The following CHRNA7 variants were observed in gnomAD, a reference collection of about 807,000 sequenced individuals.
CHRNA7 encodes the protein neuronal acetylcholine receptor subunit alpha-7.
CHRNA7 carries 17 observed loss-of-function variants against 48.0 expected under a neutral mutation model. That is an observed-to-expected ratio of 0.35 (90% CI 0.24 to 0.53). The LOEUF is 0.53. CHRNA7 is among the 20% of genes least tolerant of loss of function. The pLI is 0.92. For synonymous variants in CHRNA7, 75 were observed against 242.3 expected (o/e 0.31, Z 6.41); for missense variants, 155 against 577.7 (o/e 0.27, Z 7.50).
chr15:32,067,343 A>G (rs2049982981), intron 2 of CHRNA7, among the ~76,000 whole-genome samples: 1 of 152,252 alleles, frequency 6.6e-6, no homozygotes, highest in African/African-American at 2.4e-5. Context: ...AACAGAAACC[A>G]TGGAAGATAG....
At chr15:32,098,827 G>A (rs185954748) in intron 2 of CHRNA7, 1 of 147,760 alleles carries the variant, frequency 6.8e-6, no homozygotes, top group African/African-American at 2.5e-5. Context: ...TGTTATAAGT[G>A]TATCATTATT....
intron 4 of CHRNA7, among the ~76,000 whole-genome samples, chr15:32,115,326 C>T (rs1437007419): frequency 6.6e-6 from 1 of 152,184 alleles, no homozygotes. Flanking sequence ...GGAAGGCACG[C>T]TCCGCCATGT....
At chr15:32,060,783 G>T (rs1419481082) in intron 2 of CHRNA7, among the ~76,000 whole-genome samples, 3 of 152,212 alleles carry the variant, frequency 2.0e-5, no homozygotes, top group Non-Finnish European at 4.4e-5. Context: ...ATTAACAGTG[G>T]TTACAGAACT....
intron 4 of CHRNA7, among the ~76,000 whole-genome samples, chr15:32,123,381 TAGAGATA>T (rs11278214): frequency 0.55 from 83,578 of 151,550 alleles, 24,551 homozygotes; most frequent in Non-Finnish European, 0.66. Flanking sequence ...TCCAGACCAC[TAGAGATA>T]AAATAAGGGA....
chr15:32,072,980 C>A (rs1016836436), intron 2 of CHRNA7, among the ~76,000 whole-genome samples: 2 of 152,132 alleles, frequency 1.3e-5, no homozygotes, highest in African/African-American at 4.8e-5. Flanking sequence ...CATGGAGTCC[C>A]CACCAGGTCA....
intron 4 of CHRNA7, among the ~76,000 whole-genome samples, chr15:32,128,781 T>C (rs1379270746): frequency 3.9e-5 from 6 of 151,928 alleles, no homozygotes; most frequent in African/African-American, 1.4e-4. Context: ...GGCTAGGATT[T>C]CTAGTATTAT....
At chr15:32,142,801 TTC>T (rs2051409027) in intron 4 of CHRNA7, among the ~76,000 whole-genome samples, 1 of 152,180 alleles carries the variant, frequency 6.6e-6, no homozygotes, top group African/African-American at 2.4e-5. Flanking sequence ...TATTTGATTT[TTC>T]TCTGTTTTCT....
intron 2 of CHRNA7, among the ~76,000 whole-genome samples, chr15:32,069,295 A>C (rs768994743): frequency 3.3e-5 from 5 of 152,242 alleles, no homozygotes; most frequent in Non-Finnish European, 7.3e-5. Flanking sequence ...AAGAAAGATC[A>C]AAGGATATTT....
In CHRNA7 at chr15:32,082,068, T is replaced by G. The variant is rs189397764; in HGVS notation, c.196-19235T>G. 2.0e-5 allele frequency among the ~76,000 whole-genome samples: 3 copies of G among 152,292 alleles called. No homozygotes were observed. In the East Asian group the frequency reaches 5.8e-4, roughly 29 times the overall value. ...TCTGTGGTTTCCAATGAATAATACT[T>G]TGTCATTTGAATTGTTTTTGCAGTA... On this transcript the variant is annotated intron_variant, in intron 2 of 9. Coordinates refer to ENST00000306901, the MANE Select transcript of CHRNA7 (RefSeq NM_000746.6).
intron 2 of CHRNA7, among the ~76,000 whole-genome samples, chr15:32,061,452 A>G (rs1036148744): frequency 2.0e-5 from 3 of 152,322 alleles, no homozygotes; most frequent in Admixed American, 1.3e-4. Flanking sequence ...ACTTATTTAT[A>G]TGTGGCTATT....
intron 3 of CHRNA7, chr15:32,102,571 G>A (rs1036372097): frequency 7.7e-6 from 1 of 130,140 alleles, no homozygotes; most frequent in African/African-American, 2.6e-5. Flanking sequence ...TATTGTTATT[G>A]GTATTATAAT....
intron 2 of CHRNA7, among the ~76,000 whole-genome samples, chr15:32,075,025 TTGA>T (rs2050116172): frequency 6.6e-6 from 1 of 152,198 alleles, no homozygotes; most frequent in Middle Eastern, 3.2e-3. Context: ...TTTATATTGA[TTGA>T]TTTTCAAATA....
intron 4 of CHRNA7, among the ~76,000 whole-genome samples, chr15:32,130,670 A>G (rs1030428281): frequency 6.6e-6 from 1 of 151,542 alleles, no homozygotes; most frequent in Admixed American, 6.6e-5. Flanking sequence ...GTCTCTTTGT[A>G]CACCTATTTC....
chr15:32,124,116 A>G (rs1196743148), intron 4 of CHRNA7, among the ~76,000 whole-genome samples: 1 of 152,222 alleles, frequency 6.6e-6, no homozygotes, highest in African/African-American at 2.4e-5. Flanking sequence ...GGGTTTCAAA[A>G]AATCAAAATC....
chr15:32,042,770 CTGT>C (rs1464869626), intron 2 of CHRNA7, among the ~76,000 whole-genome samples: 10 of 152,162 alleles, frequency 6.6e-5, no homozygotes, highest in Non-Finnish European at 1.3e-4. Flanking sequence ...CCAAGAAGAG[CTGT>C]TGTTTTTCTA....
chr15:32,111,987 G>T (rs2050769664), intron 4 of CHRNA7, 88 bp downstream of exon 4: 1 of 881,470 alleles, frequency 1.1e-6, no homozygotes, highest in Non-Finnish European at 1.9e-6. Flanking sequence ...CAGAGATGCT[G>T]GATATGTTAT....
intron 9 of CHRNA7, chr15:32,166,104 T>C (rs1253116296): frequency 2.0e-5 from 3 of 152,368 alleles, no homozygotes; most frequent in African/African-American, 7.2e-5. Flanking sequence ...ACAGACCCTT[T>C]GACAGATGAG....
intron 2 of CHRNA7, among the ~76,000 whole-genome samples, chr15:32,074,195 T>C (rs2050100818): frequency 6.6e-6 from 1 of 151,540 alleles, no homozygotes; most frequent in African/African-American, 2.4e-5. Flanking sequence ...AACTCACTTA[T>C]TCTGTTTTTG....
intron 4 of CHRNA7, among the ~76,000 whole-genome samples, chr15:32,125,631 G>A (rs1039208170): frequency 2.6e-5 from 4 of 152,184 alleles, no homozygotes; most frequent in South Asian, 2.1e-4. Context: ...TCCATGTGCA[G>A]GATCTAGATC....
Sources: allele counts gnomAD v4.1 joint callset (sites outside exome capture counted in the v4.1 genomes callset), GRCh38; gene constraint gnomAD v4.1.1; transcripts MANE v1.5; gene names NCBI Gene and HGNC (gene_info 2026-07-23, HGNC 2026-07-21).